The following KCNQ1OT1 variants were observed in gnomAD, a reference collection of about 807,000 sequenced individuals.
The protein encoded by KCNQ1OT1 is KCNQ1 opposite strand/antisense transcript 1, also known as KCNQ1 antisense RNA 2 (non-protein coding).
chr11:2,652,227 TGAG>T lies in KCNQ1OT1; in HGVS notation n.47765_47767del. 5.0e-6 allele frequency: 2 copies of T among 398,634 alleles called. No individual in the cohort carries two copies. The highest frequency in any genetic ancestry group is 8.8e-6 in the Non-Finnish European group (2 of 226,088). The allele number at this position is 398,634 out of a possible 1,614,324, so 24.7% of individuals were successfully genotyped here. A position where few individuals can be genotyped will look rare whatever the true frequency, so the allele number is the denominator to read the frequency against. On this transcript the variant is annotated non_coding_transcript_exon_variant, in exon 1 of 1. Transcript: ENST00000597346. The surrounding 1 kb of genome is among the most constrained non-coding windows in gnomAD (Gnocchi z 5.9). Reference sequence around the variant, plus strand: ...AGGGCCTGGAGCCGGATGCTGAGAATGAGGCCTGCAACTCATTTCCCCATTAAA... The same window carrying T: ...AGGGCCTGGAGCCGGATGCTGAGAATGCCTGCAACTCATTTCCCCATTAAA...
Position 2,613,173 on chromosome 11 carries a change from T to C in KCNQ1OT1, n.86822A>G. On this transcript the variant is annotated non_coding_transcript_exon_variant, in exon 1 of 1. Transcript: ENST00000597346. The surrounding 1 kb of genome is among the most constrained non-coding windows in gnomAD (Gnocchi z 4.8). ...TATGTGTGGGTTGGGACATTCAAAG[T>C]TCAGGCACTTTATAACTCTGTCCTG... is the stretch of plus-strand genomic sequence containing the variant. 1 of 398,572 alleles carries C rather than the reference T, an allele frequency of 2.5e-6. No individual in the cohort carries two copies. The highest frequency in any genetic ancestry group is 4.4e-6 in the Non-Finnish European group (1 of 226,052). The allele number at this position is 398,572 out of a possible 1,614,324, so 24.7% of individuals were successfully genotyped here.
At chr11:2,640,260 T>C (rs978931932) in exon 1 of KCNQ1OT1, 2 of 397,190 alleles carry the variant, frequency 5.0e-6, no homozygotes, top group Non-Finnish European at 8.9e-6. Flanking sequence ...ACCCACTACC[T>C]CAGTTGGAAA....
exon 1 of KCNQ1OT1, chr11:2,648,894 TG>T: frequency 2.5e-6 from 1 of 398,464 alleles, no homozygotes; most frequent in Non-Finnish European, 4.4e-6. Flanking sequence ...CCAGTGTTGT[TG>T]GTTGCATATA....
Position 2,683,156 on chromosome 11 carries a change from A to G in KCNQ1OT1, n.16839T>C, listed in dbSNP as rs1850426908. ...GTGTGGGGATGGGCTAGCATTAGGA[A>G]TGGGTATTAGCATCTGCATTAAAAG... On this transcript the variant is annotated non_coding_transcript_exon_variant, in exon 1 of 1. Coordinates refer to ENST00000597346, the Ensembl canonical transcript of KCNQ1OT1. The surrounding 1 kb of genome is among the most constrained non-coding windows in gnomAD (Gnocchi z 4.7). The G allele has an allele frequency of 2.5e-6, 1 of 398,598 alleles. No homozygotes were observed. Among genetic ancestry groups the G allele is most frequent in the East Asian group, 3.6e-5 (1 of 28,074 alleles). 24.7% of individuals were successfully genotyped at this position (398,598 alleles called of 1,614,324 possible).
At chr11:2,630,449 CTT>C (rs778427292) in exon 1 of KCNQ1OT1, 8 of 398,080 alleles carry the variant, frequency 2.0e-5, no homozygotes, top group Non-Finnish European at 2.7e-5. Context: ...ATTGTTCCCT[CTT>C]TGTTTGGGGG....
exon 1 of KCNQ1OT1, chr11:2,697,017 A>T: frequency 2.5e-6 from 1 of 397,818 alleles, no homozygotes; most frequent in Admixed American, 4.4e-5. Context: ...TAGTCTGGGG[A>T]TTCCAGAGAG....
exon 1 of KCNQ1OT1, chr11:2,630,906 A>G (rs1589992171): frequency 2.5e-6 from 1 of 398,466 alleles, no homozygotes; most frequent in Non-Finnish European, 4.4e-6. Flanking sequence ...ATATAATCCT[A>G]TTGTTTCCTG....
At position 2,670,521 on chromosome 11, in the gene KCNQ1OT1, G is replaced by A. The variant is rs896004307; in HGVS notation, n.29474C>T. 2.5e-6 allele frequency: 1 copy of A among 397,794 alleles called. No individual in the cohort carries two copies. The allele number at this position is 397,794 out of a possible 1,614,324, so 24.6% of individuals were successfully genotyped here. On this transcript the variant is annotated non_coding_transcript_exon_variant, in exon 1 of 1. Transcript: ENST00000597346. This position sits in a 1 kb window ranked among gnomAD's most constrained non-coding sequence, Gnocchi z 4.9. Reference sequence around the variant, plus strand: ...CCTGTCCTCCCAGCTCACAGAAGGGGAAATTGAAGCCTCAAGAAGGATAGG... The same window carrying A: ...CCTGTCCTCCCAGCTCACAGAAGGGAAAATTGAAGCCTCAAGAAGGATAGG...
At chr11:2,667,612 T>C in exon 1 of KCNQ1OT1, 1 of 398,546 alleles carries the variant, frequency 2.5e-6, no homozygotes, top group East Asian at 3.6e-5. Context: ...GCACATCCCA[T>C]ATAGATCTCT....
chr11:2,649,432 TGTA>T (rs1564844970), exon 1 of KCNQ1OT1: 2 of 398,466 alleles, frequency 5.0e-6, no homozygotes, highest in African/African-American at 4.1e-5. Flanking sequence ...TACTTCCAGA[TGTA>T]GTACTCCCTT....
At position 2,670,142 on chromosome 11, in the gene KCNQ1OT1, C is replaced by T; in HGVS notation, n.29853G>A. On this transcript the variant is annotated non_coding_transcript_exon_variant, in exon 1 of 1. Coordinates refer to ENST00000597346, the Ensembl canonical transcript of KCNQ1OT1. This position sits in a 1 kb window ranked among gnomAD's most constrained non-coding sequence, Gnocchi z 4.9. ...CCCCAGTATGCATCTGTCATTTGTT[C>T]TTATCACTGTCGGGCCCATCTGCCA... 1 of 398,686 alleles carries T rather than the reference C, an allele frequency of 2.5e-6. No homozygotes were observed. Among genetic ancestry groups the T allele is most frequent in the East Asian group, 3.6e-5 (1 of 28,084 alleles). The allele number at this position is 398,686 out of a possible 1,614,324, so 24.7% of individuals were successfully genotyped here.
At chr11:2,696,075 A>G in exon 1 of KCNQ1OT1, 3 of 398,656 alleles carry the variant, frequency 7.5e-6, no homozygotes, top group African/African-American at 2.1e-5. Context: ...GACCCTTGCC[A>G]TGATGGATTT....
chr11:2,680,603 AT>A, exon 1 of KCNQ1OT1: 1 of 398,562 alleles, frequency 2.5e-6, no homozygotes, highest in Non-Finnish European at 4.4e-6. Flanking sequence ...CGATAGTAAC[AT>A]CTTGCAAAAC....
chr11:2,625,851 G>A (rs1351163422), exon 1 of KCNQ1OT1: 1 of 398,454 alleles, frequency 2.5e-6, no homozygotes. Flanking sequence ...TTACAGGCGT[G>A]AGCCACCGTG....
At chr11:2,622,444 C>T in exon 1 of KCNQ1OT1, 1 of 398,116 alleles carries the variant, frequency 2.5e-6, no homozygotes, top group Non-Finnish European at 4.4e-6. Flanking sequence ...GTCTTTAGAC[C>T]AAAAGTGAGT....
At chr11:2,688,179 C>T in exon 1 of KCNQ1OT1, 1 of 398,754 alleles carries the variant, frequency 2.5e-6, no homozygotes, top group Non-Finnish European at 4.4e-6. Flanking sequence ...AGACAGCTCC[C>T]AAGCAAGGGG....
Position 2,657,591 on chromosome 11 carries a change from G to A in KCNQ1OT1, n.42404C>T. On this transcript the variant is annotated non_coding_transcript_exon_variant, in exon 1 of 1. Coordinates refer to ENST00000597346, the Ensembl canonical transcript of KCNQ1OT1. This position sits in a 1 kb window ranked among gnomAD's most constrained non-coding sequence, Gnocchi z 4.8. ...GCATCTTATATAACCATGGTACATT[G>A]ACCAAAACTAAAAAATTAACATTGG... The A allele has an allele frequency of 2.5e-6, 1 of 398,442 alleles. No individual in the cohort carries two copies. The highest frequency in any genetic ancestry group is 3.6e-5 in the East Asian group (1 of 28,062). The allele number at this position is 398,442 out of a possible 1,614,324, so 24.7% of individuals were successfully genotyped here.
chr11:2,622,084 T>A, exon 1 of KCNQ1OT1: 1 of 398,386 alleles, frequency 2.5e-6, no homozygotes, highest in Non-Finnish European at 4.4e-6. Flanking sequence ...CTGTCATTTG[T>A]CTGAAGATAT....
chr11:2,699,439 A>G, exon 1 of KCNQ1OT1: 1 of 398,744 alleles, frequency 2.5e-6, no homozygotes, highest in Non-Finnish European at 4.3e-6. Context: ...AGTCTGGGAG[A>G]ACCGCACTGA....
Sources: allele counts gnomAD v4.1 joint callset, GRCh38; gene constraint gnomAD v4.1.1; non-coding constraint Gnocchi (gnomAD v3.1); transcripts MANE v1.5; gene names NCBI Gene and HGNC (gene_info 2026-07-23, HGNC 2026-07-21).